Variants in TNRC18 observed in about 807,000 individuals in gnomAD.
TNRC18 encodes trinucleotide repeat-containing gene 18 protein.
Under a neutral mutation model 226.7 loss-of-function variants are expected in TNRC18, and 69 were observed. That is an observed-to-expected ratio of 0.30 (90% CI 0.25 to 0.37). TNRC18 has a LOEUF of 0.37. Ranked by LOEUF, TNRC18 falls within the 10% of genes least tolerant of loss-of-function variation. TNRC18 has a pLI of 1.00. For synonymous variants in TNRC18, 2,449 were observed against 1,927.6 expected (o/e 1.27, Z -7.09); for missense variants, 4,754 against 4,256.6 (o/e 1.12, Z -3.25).
intron 3 of TNRC18, among the ~76,000 whole-genome samples, chr7:5,392,447 G>A (rs1780368076): frequency 6.6e-6 from 1 of 151,832 alleles, no homozygotes; most frequent in African/African-American, 2.4e-5. Flanking sequence ...AGCCCTGTCT[G>A]TACTAAAAAT....
In TNRC18 at chr7:5,320,573, G is replaced by A; in HGVS notation, c.6595C>T (p.Arg2199Trp). The A allele has an allele frequency of 6.2e-7, 1 of 1,611,480 alleles. No individual in the cohort carries two copies. Among genetic ancestry groups the A allele is most frequent in the Non-Finnish European group, 8.5e-7 (1 of 1,179,634 alleles). ...TGCTCCAGACAGTAGATGTGGGGCC[G>A]GTTGCCCCGCTCACCCTCCACCACC... ...RVVVEGERGN[R>W]PHIYCLEQLL... The change falls in exon 23 of 30, where the codon CGG becomes TGG. Residue 2199 changes from arginine to tryptophan, a missense_variant. Transcript: ENST00000430969.
rs573795550 is a variant in TNRC18 at position 5,400,604 on chromosome 7, T to C, written c.188-6009A>G. Reference sequence around the variant, plus strand: ...TCCAGCCTGGGCGACAGAGTGAGACTCTCTCTCAAATAAATAAATATTCAA... The same window carrying C: ...TCCAGCCTGGGCGACAGAGTGAGACCCTCTCTCAAATAAATAAATATTCAA... On this transcript the variant is annotated intron_variant, in intron 2 of 29. Transcript: ENST00000430969. Among the ~76,000 whole-genome samples, 85 of 152,108 alleles carry C rather than the reference T, an allele frequency of 5.6e-4. 1 individual carries two copies. Among genetic ancestry groups the C allele is most frequent in the African/African-American group, 2.0e-3 (85 of 41,486 alleles).
intron 11 of TNRC18, among the ~76,000 whole-genome samples, chr7:5,365,023 G>GC (rs1793475305): frequency 2.2e-5 from 3 of 134,468 alleles, no homozygotes; most frequent in African/African-American, 8.9e-5. Context: ...GCAGAATCAT[G>GC]TGGGGGGGCG....
chr7:5,415,685 T>C (rs1782139607), intron 2 of TNRC18, among the ~76,000 whole-genome samples: 1 of 151,484 alleles, frequency 6.6e-6, no homozygotes, highest in Non-Finnish European at 1.5e-5. Flanking sequence ...CCAGCCTGCA[T>C]AAGACTCCAC....
At chr7:5,396,070 C>G (rs924414813) in intron 2 of TNRC18, among the ~76,000 whole-genome samples, 2 of 146,772 alleles carry the variant, frequency 1.4e-5, no homozygotes, top group African/African-American at 5.1e-5. Context: ...ACTCGGGAGG[C>G]TGAGGCAGGA....
At position 5,377,336 on chromosome 7, in the gene TNRC18, C is replaced by CCCAAAA; in HGVS notation, c.2461+34_2461+35insTTTTGG. The CCCAAAA allele has an allele frequency of 8.6e-7, 1 of 1,156,908 alleles. No individual in the cohort carries two copies. The allele number at this position is 1,156,908 out of a possible 1,614,324, so 71.7% of individuals were successfully genotyped here. ...CACCCGCCCCCTCCCACCCCTCCCTCAGAGAAGGGGAGAGACCCTGTGCCC... is the reference window on the plus strand; with the variant it reads ...CACCCGCCCCCTCCCACCCCTCCCTCCCAAAAAGAGAAGGGGAGAGACCCTGTGCCC... On this transcript the variant is annotated intron_variant, in intron 7 of 29. Transcript: ENST00000430969. This position sits in a 1 kb window ranked among gnomAD's most constrained non-coding sequence, Gnocchi z 5.8.
chr7:5,419,001 G>C (rs1584136566), intron 2 of TNRC18, among the ~76,000 whole-genome samples: 1 of 152,234 alleles, frequency 6.6e-6, no homozygotes, highest in Non-Finnish European at 1.5e-5. Context: ...GGGTTCAAGG[G>C]GGCGGCAGCT....
chr7:5,362,806 C>T lies in TNRC18; in HGVS notation c.4239G>A (p.Val1413=). The part of the protein sequence containing the change: ...QEMGGAERAL[V]ARPSLESLLA... ...GCAGACTCTCCAGGGAGGGCCGCGC[C>T]ACCAGGGCCCGCTCCGCACCTGTGG... The change falls in exon 12 of 30, where the codon GTG becomes GTA. Residue 1413 remains valine (V), a synonymous_variant. Coordinates refer to ENST00000430969, the MANE Select transcript of TNRC18 (RefSeq NM_001080495.3). 2 of 1,560,410 alleles carry T rather than the reference C, an allele frequency of 1.3e-6. No homozygotes were observed. Among genetic ancestry groups the T allele is most frequent in the Non-Finnish European group, 1.7e-6 (2 of 1,153,470 alleles).
intron 11 of TNRC18, among the ~76,000 whole-genome samples, chr7:5,368,475 CAA>C: frequency 1.3e-5 from 2 of 152,036 alleles, no homozygotes; most frequent in East Asian, 3.9e-4. Context: ...CCAGCCTGGC[CAA>C]CATGGTGAAA....
In TNRC18 at chr7:5,312,727, G is replaced by A; in HGVS notation, c.8164C>T (p.Pro2722Ser). The part of the protein sequence containing the change: ...PSAHSPGKKT[P>S]APQPQAPPPQ... ...GGAGGCGCCTGGGGCTGGGGCGCGGGCGTCTTCTTGCCTGGGGAGTGGGCC... is the reference window on the plus strand; with the variant it reads ...GGAGGCGCCTGGGGCTGGGGCGCGGACGTCTTCTTGCCTGGGGAGTGGGCC... Residue 2722 changes from proline (P) to serine (S), a missense_variant, in exon 27 of 30, where the codon CCC becomes TCC. Pro to Ser is a moderately conservative substitution (Grantham distance 74). Transcript: ENST00000430969. The surrounding 1 kb of genome is among the most constrained non-coding windows in gnomAD (Gnocchi z 6.3). 1 of 1,555,544 alleles carries A rather than the reference G, an allele frequency of 6.4e-7. No homozygotes were observed. Among genetic ancestry groups the A allele is most frequent in the East Asian group, 2.3e-5 (1 of 44,346 alleles).
chr7:5,375,987 C>A, intron 9 of TNRC18, 47 bp downstream of exon 9: 1 of 1,539,512 alleles, frequency 6.5e-7, no homozygotes, highest in Non-Finnish European at 8.8e-7. Flanking sequence ...GCCTCGTCAC[C>A]CATGGGGGCC....
At position 5,347,570 on chromosome 7, in the gene TNRC18, C is replaced by T. The variant is rs761136654; in HGVS notation, c.5471-1760G>A. Among the ~76,000 whole-genome samples the T allele has an allele frequency of 6.2e-4, 94 of 151,902 alleles. 2 individuals are homozygous for T. The highest frequency in any genetic ancestry group is 9.0e-4 in the Non-Finnish European group (61 of 67,990). On this transcript the variant is annotated intron_variant, in intron 17 of 29. Transcript: ENST00000430969. ...GTCCTGGCAACTCCGGAGGCAGAAG[C>T]GGGAGGATCGCCTGAGCTCAGGAAT...
rs969061030 is a variant in TNRC18, at chr7:5,391,530, C to T, written c.344-902G>A. Among the ~76,000 whole-genome samples, 49 of 151,838 alleles carry T rather than the reference C, an allele frequency of 3.2e-4. 1 individual carries two copies. Among genetic ancestry groups the T allele is most frequent in the Admixed American group, 9.8e-4 (15 of 15,250 alleles). On this transcript the variant is annotated intron_variant, in intron 3 of 29. Coordinates refer to ENST00000430969, the MANE Select transcript of TNRC18 (RefSeq NM_001080495.3). ...TTCACCATGCTGATCAGGCTGGTCT[C>T]GAACTCCCGGCTTCAAGTGATCCAC...
chr7:5,330,487 T>TC (rs1263422792), intron 19 of TNRC18, among the ~76,000 whole-genome samples: 1 of 151,416 alleles, frequency 6.6e-6, no homozygotes, highest in Non-Finnish European at 1.5e-5. Flanking sequence ...CCTCAAGGGA[T>TC]CCTCCCACCT....
intron 18 of TNRC18, among the ~76,000 whole-genome samples, 187 bp from the exon 19 acceptor site, chr7:5,333,236 C>A (rs1228108451): frequency 6.6e-6 from 1 of 152,218 alleles, no homozygotes; most frequent in Non-Finnish European, 1.5e-5. Flanking sequence ...TGTCCCTACG[C>A]CTGTCCCTAC....
rs373223281 is a variant in TNRC18, at chr7:5,360,203, T to TTTTATTTATTTA, written c.4662-646_4662-635dup. ...GCCACAAACGTTTGCTGCTGCTGTA[T>TTTTATTTATTTA]TTTATTTATTTATTTATTTATTTAT... On this transcript the variant is annotated intron_variant, in intron 14 of 29. Transcript: ENST00000430969. Among the ~76,000 whole-genome samples the TTTTATTTATTTA allele has an allele frequency of 5.7e-4, 86 of 151,204 alleles. 1 individual carries two copies. The highest frequency in any genetic ancestry group is 1.4e-3 in the African/African-American group (58 of 41,142).
rs910060909 is a variant in TNRC18, at chr7:5,371,230, C to T, written c.3364G>A (p.Glu1122Lys). ...TCTTCGGGTGAGAGTGCCAGGCGCT[C>T]GGGCCCATCAGCCGGGAGCGGCACA... ...PDVPLPADGPERLALSPEDKP... is the reference protein window; with the variant it reads ...PDVPLPADGPKRLALSPEDKP... The change falls in exon 11 of 30, where the codon GAG becomes AAG. Residue 1122 changes from glutamate to lysine, a missense_variant. Glu to Lys is a moderately conservative substitution (Grantham distance 56). Transcript: ENST00000430969. The T allele has an allele frequency of 1.9e-6, 3 of 1,605,278 alleles. No homozygotes were observed. Among genetic ancestry groups the T allele is most frequent in the South Asian group, 2.2e-5 (2 of 90,748 alleles).
chr7:5,341,874 A>C (rs1311661664), intron 18 of TNRC18, among the ~76,000 whole-genome samples: 3 of 152,208 alleles, frequency 2.0e-5, no homozygotes, highest in Non-Finnish European at 4.4e-5. Context: ...TTGTTCACAA[A>C]AAAAAATTCC....
At chr7:5,386,207 G>A (rs1779778498) in intron 5 of TNRC18, among the ~76,000 whole-genome samples, 1 of 151,928 alleles carries the variant, frequency 6.6e-6, no homozygotes, top group Non-Finnish European at 1.5e-5. Flanking sequence ...AGAATCGCTT[G>A]AACCCAGGAG....
Sources: gnomAD v4.1 joint callset for allele counts (sites outside exome capture counted in the v4.1 genomes callset) on GRCh38, gnomAD v4.1.1 for gene constraint, Gnocchi (gnomAD v3.1) non-coding constraint, MANE v1.5 for transcripts, NCBI Gene and HGNC (gene_info 2026-07-23, HGNC 2026-07-21) for gene names.